PER2: variants seen among roughly 807,000 people sequenced by gnomAD.
PER2 encodes the protein period circadian protein homolog 2.
In PER2, 66 loss-of-function variants were observed where a neutral mutation model predicts 121.0. The ratio of observed to expected loss-of-function variants is 0.55; its 90% CI spans 0.45 to 0.67. PER2 has a LOEUF of 0.67. Ranked by LOEUF, PER2 falls within the 30% of genes least tolerant of loss-of-function variation. The probability of loss-of-function intolerance (pLI) is 0.00; values close to 1 mark genes in which losing one functional copy is unlikely to be tolerated. For missense variants in PER2, 1,521 were observed against 1,635.0 expected, an observed-to-expected ratio of 0.93 and a Z score of 1.20; for synonymous variants, 684 against 659.9, an observed-to-expected ratio of 1.04 and a Z score of -0.56.
Position 238,258,337 on chromosome 2 carries a change from G to T in PER2, c.1839C>A (p.Val613=). ...LKRKCEFPAN[V]PALRSSDKRK... ...GCTTATCACTGGACCTTAGCGCTGG[G>T]ACGTTTGCTGGGAACTCGCATTTCC... Residue 613 remains valine (V), a synonymous_variant, in exon 16 of 23, where the codon GTC becomes GTA. Transcript: ENST00000254657. 1 of 1,614,212 alleles carries T rather than the reference G, an allele frequency of 6.2e-7. No individual in the cohort carries two copies. Among genetic ancestry groups the T allele is most frequent in the Non-Finnish European group, 8.5e-7 (1 of 1,180,030 alleles).
At chr2:238,289,152 C>T (rs1436163138), upstream of PER2, 10 of 152,298 alleles carry the variant, frequency 6.6e-5, no homozygotes, top group East Asian at 5.8e-4. Flanking sequence ...GCACCTCCGG[C>T]CGGCCTGGCA....
chr2:238,268,871 G>T lies in PER2; in HGVS notation c.824+52C>A. ...CAGCCTCAAGCGGAGCAGTGCTGGG[G>T]TGAAATGTTTATACGGTTTTCTAAT... On this transcript the variant is annotated intron_variant, in intron 7 of 22. Transcript: ENST00000254657. This position sits in a 1 kb window ranked among gnomAD's most constrained non-coding sequence, Gnocchi z 4.0. The T allele has an allele frequency of 7.4e-7, 1 of 1,360,088 alleles. No individual in the cohort carries two copies. Among genetic ancestry groups the T allele is most frequent in the Non-Finnish European group, 1.1e-6 (1 of 948,234 alleles). The allele number at this position is 1,360,088 out of a possible 1,614,324, so 84.3% of individuals were successfully genotyped here.
intron 18 of PER2, chr2:238,255,439 G>A (rs763827424): frequency 5.6e-4 from 351 of 625,604 alleles, no homozygotes; most frequent in Non-Finnish European, 9.1e-4. Context: ...ACTAGCCTGG[G>A]ACTATTCCCC....
intron 1 of PER2, among the ~76,000 whole-genome samples, chr2:238,284,224 C>T (rs1696715213): frequency 6.6e-6 from 1 of 152,056 alleles, no homozygotes; most frequent in Non-Finnish European, 1.5e-5. Flanking sequence ...CGGTGGATCA[C>T]CCGAGGTCAG....
chr2:238,265,707 A>C, intron 8 of PER2, 117 bp from the exon 9 acceptor site: 1 of 719,286 alleles, frequency 1.4e-6, no homozygotes. Flanking sequence ...TAAAGAAAAA[A>C]ATTAAAACAT....
At chr2:238,265,013 ACT>A (rs1043103512) in intron 9 of PER2, among the ~76,000 whole-genome samples, 12 of 152,202 alleles carry the variant, frequency 7.9e-5, no homozygotes, top group Non-Finnish European at 1.3e-4. Context: ...GGCAGAAGCC[ACT>A]CAGAACATGG....
intron 22 of PER2, among the ~76,000 whole-genome samples, chr2:238,248,317 G>T (rs954111554): frequency 1.3e-5 from 2 of 152,210 alleles, no homozygotes; most frequent in Non-Finnish European, 2.9e-5. Context: ...CAGCTTCCAC[G>T]GTATGTGGGA....
At chr2:238,270,616 G>T (rs1160596362) in intron 6 of PER2, among the ~76,000 whole-genome samples, 1 of 152,246 alleles carries the variant, frequency 6.6e-6, no homozygotes, top group Admixed American at 6.5e-5. Flanking sequence ...GCCCTGAGGA[G>T]AGTGGGGGTC....
chr2:238,263,846 T>A (rs1253913138), intron 9 of PER2, among the ~76,000 whole-genome samples: 1 of 152,142 alleles, frequency 6.6e-6, no homozygotes, highest in Non-Finnish European at 1.5e-5. Context: ...TGTCTGAGGC[T>A]CTCTCTTCAG....
rs1695386349 is a variant in PER2 at position 238,244,280 on chromosome 2, A to G, written c.*2095T>C. The G allele has an allele frequency of 6.6e-6, 1 of 152,614 alleles. No individual in the cohort carries two copies. Among genetic ancestry groups the G allele is most frequent in the African/African-American group, 2.4e-5 (1 of 41,476 alleles). The allele number at this position is 152,614 out of a possible 1,614,324, so 9.5% of individuals were successfully genotyped here. The stretch of plus-strand genomic sequence containing the variant: ...GTTTAAAATAGAGAAAAACTGTTTA[A>G]CACCTGTGTAAGCACACACACTAAA... On this transcript the variant is annotated 3_prime_UTR_variant, in exon 23 of 23. Transcript: ENST00000254657.
At chr2:238,292,598 G>A (rs1696966500), upstream of PER2, among the ~76,000 whole-genome samples, 2 of 152,184 alleles carry the variant, frequency 1.3e-5, no homozygotes, top group Non-Finnish European at 2.9e-5. Context: ...CAGGTATGAT[G>A]AGCCTTAGAT....
At chr2:238,299,860 T>G in the PER2 span, 1 of 152,292 alleles carries the variant, frequency 6.6e-6, no homozygotes, top group East Asian at 1.9e-4. Context: ...CACTGCTCCT[T>G]GATGCCAACA....
At chr2:238,284,456 A>AG (rs1347808225) in intron 1 of PER2, among the ~76,000 whole-genome samples, 29 of 151,942 alleles carry the variant, frequency 1.9e-4, no homozygotes, top group African/African-American at 4.6e-4. Flanking sequence ...AAAAAAAAAA[A>AG]AGAGAGAGAA....
At position 238,252,357 on chromosome 2, in the gene PER2, G is replaced by A. The variant is rs987064734; in HGVS notation, c.3111+555C>T. On this transcript the variant is annotated intron_variant, in intron 19 of 22. Transcript: ENST00000254657. The surrounding 1 kb of genome is among the most constrained non-coding windows in gnomAD (Gnocchi z 4.2). Reference sequence around the variant, plus strand: ...GCCTACGGACTGCACTGCTGCTGGCGTTCCCACACACTTGAGCTCGTTCAG... The same window carrying A: ...GCCTACGGACTGCACTGCTGCTGGCATTCCCACACACTTGAGCTCGTTCAG... Among the ~76,000 whole-genome samples the A allele has an allele frequency of 2.0e-5, 3 of 152,256 alleles. No individual in the cohort carries two copies. The highest frequency in any genetic ancestry group is 7.2e-5 in the African/African-American group (3 of 41,470).
At chr2:238,278,039 CTCTT>C (rs1227660959) in intron 1 of PER2, 84 bp from the exon 2 acceptor site, 55 of 1,434,632 alleles carry the variant, frequency 3.8e-5, no homozygotes, top group Non-Finnish European at 5.0e-5. Context: ...ACCCATTTGA[CTCTT>C]TCTGTTACTA....
rs763792495 is a variant in PER2 at position 238,271,650 on chromosome 2, C to T, written c.571-137G>A. The T allele has an allele frequency of 2.1e-4, 150 of 701,208 alleles. 2 individuals carry two copies. The highest frequency in any genetic ancestry group is 1.1e-3 in the Middle Eastern group (3 of 2,852). The allele number at this position is 701,208 out of a possible 1,614,324, so 43.4% of individuals were successfully genotyped here. ...GGGCTCTCTGACTCCCTTGCCTAGCCCTCACCAAAAAATCCTATCTTGCCT... is the reference window on the plus strand; with the variant it reads ...GGGCTCTCTGACTCCCTTGCCTAGCTCTCACCAAAAAATCCTATCTTGCCT... On this transcript the variant is annotated intron_variant, in intron 5 of 22. Coordinates refer to ENST00000254657, the MANE Select transcript of PER2 (RefSeq NM_022817.3).
intron 12 of PER2, 105 bp downstream of exon 12, chr2:238,261,624 A>C (rs1695936094): frequency 5.4e-6 from 4 of 742,998 alleles, no homozygotes; most frequent in Non-Finnish European, 9.5e-6. Flanking sequence ...TGACAGATGA[A>C]GCTGTCTGAG....
chr2:238,289,175 C>G (rs1049684789), upstream of PER2: 4 of 152,176 alleles, frequency 2.6e-5, no homozygotes, highest in Non-Finnish European at 4.4e-5. Flanking sequence ...CCCGGCGCGC[C>G]GAAGCCGGAC....
intron 1 of PER2, among the ~76,000 whole-genome samples, chr2:238,285,345 G>T (rs1056906912): frequency 6.6e-6 from 1 of 152,204 alleles, no homozygotes; most frequent in South Asian, 2.1e-4. Context: ...GCAGCTGGTG[G>T]GGGTGGGGAA....
Sources: gnomAD v4.1 joint callset for allele counts (sites outside exome capture counted in the v4.1 genomes callset) on GRCh38, gnomAD v4.1.1 for gene constraint, Gnocchi (gnomAD v3.1) non-coding constraint, MANE v1.5 for transcripts, NCBI Gene and HGNC (gene_info 2026-07-23, HGNC 2026-07-21) for gene names.